The following ABCB5 variants were observed in gnomAD, a reference collection of about 807,000 sequenced individuals.
The protein encoded by ABCB5 is ATP binding cassette subfamily B member 5, also known as ATP-binding cassette sub-family B member 5.
ABCB5 carries 155 observed loss-of-function variants against 144.2 expected under a neutral mutation model. That is an observed-to-expected ratio of 1.08 (90% CI 0.94 to 1.23). ABCB5 has a LOEUF of 1.23. Among genes scored for constraint, ABCB5 ranks in the 50% most tolerant of loss-of-function variants. The probability of loss-of-function intolerance (pLI) is 0.00; values close to 1 mark genes in which losing one functional copy is unlikely to be tolerated. For missense variants in ABCB5, 1,830 were observed against 1,520.8 expected, an observed-to-expected ratio of 1.20 and a Z score of -3.38; for synonymous variants, 610 against 528.6, an observed-to-expected ratio of 1.15 and a Z score of -2.11.
intron 20 of ABCB5, among the ~76,000 whole-genome samples, chr7:20,711,584 C>G (rs1787035142): frequency 6.7e-6 from 1 of 148,192 alleles, no homozygotes. Context: ...ACTTCAGCCT[C>G]CTGAGTAGCT....
chr7:20,722,820 C>T (rs1021900416), intron 20 of ABCB5, among the ~76,000 whole-genome samples, 196 bp from the exon 21 acceptor site: 9 of 151,060 alleles, frequency 6.0e-5, no homozygotes, highest in Non-Finnish European at 1.2e-4. Context: ...GGACTCCATC[C>T]CGGAAAAAAA....
chr7:20,635,627 CTTAG>C (rs953484071), intron 5 of ABCB5, among the ~76,000 whole-genome samples: 9 of 151,858 alleles, frequency 5.9e-5, no homozygotes, highest in Non-Finnish European at 1.3e-4. Context: ...CTTTTAATTC[CTTAG>C]TTAAATATAT....
At position 20,645,832 on chromosome 7, in the gene ABCB5, C is replaced by T; in HGVS notation, c.755C>T (p.Ser252Leu). Residue 252 changes from serine (S) to leucine (L), a missense_variant, in exon 8 of 28, where the codon TCA becomes TTA. Physicochemically the swap from Ser to Leu is moderately radical, Grantham distance 145 (BLOSUM62 -2). Transcript: ENST00000404938. ...GCTGTGGCAGAAGAAGTCTTGTCATCAATCCGAACAGTCATAGCCTTTAGG... is the reference window on the plus strand; with the variant it reads ...GCTGTGGCAGAAGAAGTCTTGTCATTAATCCGAACAGTCATAGCCTTTAGG... ...AGAVAEEVLS[S>L]IRTVIAFRAQ... 6.2e-7 allele frequency: 1 copy of T among 1,613,866 alleles called. No homozygotes were observed.
chr7:20,658,384 C>A (rs1424489125), intron 13 of ABCB5, 122 bp from the exon 14 acceptor site: 4 of 762,872 alleles, frequency 5.2e-6, no homozygotes, highest in East Asian at 5.8e-5. Context: ...AAGACATAAG[C>A]ACCCAGAGGC....
intron 7 of ABCB5, among the ~76,000 whole-genome samples, chr7:20,644,617 T>C (rs1287702720): frequency 6.6e-6 from 1 of 152,222 alleles, no homozygotes; most frequent in Non-Finnish European, 1.5e-5. Flanking sequence ...TGTAATATTA[T>C]TCTTCAAATC....
intron 16 of ABCB5, among the ~76,000 whole-genome samples, chr7:20,693,425 G>T (rs905290971): frequency 1.3e-4 from 20 of 152,046 alleles, no homozygotes; most frequent in African/African-American, 4.6e-4. Context: ...ATGGAATAAA[G>T]TCAGAAGTCA....
intron 21 of ABCB5, 54 bp downstream of exon 21, chr7:20,723,273 A>C: frequency 1.3e-6 from 2 of 1,539,550 alleles, no homozygotes; most frequent in African/African-American, 1.4e-5. Flanking sequence ...AAACAGTCAG[A>C]ACTTTATGAT....
intron 19 of ABCB5, among the ~76,000 whole-genome samples, chr7:20,703,570 T>A (rs1786706139): frequency 6.6e-6 from 1 of 152,118 alleles, no homozygotes; most frequent in African/African-American, 2.4e-5. Flanking sequence ...TTGTTTTGCC[T>A]GTTACCTGGG....
At chr7:20,749,128 T>C (rs1310944319) in intron 26 of ABCB5, among the ~76,000 whole-genome samples, 1 of 150,678 alleles carries the variant, frequency 6.6e-6, no homozygotes, top group Non-Finnish European at 1.5e-5. Flanking sequence ...TCTCTCTCTT[T>C]CCCTTTCTTT....
At chr7:20,652,296 G>A (rs1447511687) in intron 13 of ABCB5, among the ~76,000 whole-genome samples, 3 of 152,148 alleles carry the variant, frequency 2.0e-5, no homozygotes, top group African/African-American at 4.8e-5. Flanking sequence ...GGCCGGGTGC[G>A]GTGGCTCACG....
chr7:20,649,179 T>C (rs1784502927), intron 11 of ABCB5, among the ~76,000 whole-genome samples: 1 of 152,210 alleles, frequency 6.6e-6, no homozygotes, highest in African/African-American at 2.4e-5. Flanking sequence ...AAAGTGCAGG[T>C]GTGAGAAGAG....
intron 24 of ABCB5, among the ~76,000 whole-genome samples, chr7:20,741,569 A>AT (rs34221966): frequency 4.6e-5 from 7 of 151,348 alleles, no homozygotes; most frequent in Admixed American, 3.3e-4. Flanking sequence ...ATCCTTCCAG[A>AT]TTTTTTTTTT....
At chr7:20,690,302 C>T (rs923218910) in intron 16 of ABCB5, among the ~76,000 whole-genome samples, 2 of 152,178 alleles carry the variant, frequency 1.3e-5, no homozygotes, top group African/African-American at 2.4e-5. Flanking sequence ...TTACACTCAT[C>T]ATTATTATAT....
chr7:20,617,100 T>C (rs923996173), intron 1 of ABCB5, among the ~76,000 whole-genome samples: 2 of 152,212 alleles, frequency 1.3e-5, no homozygotes, highest in African/African-American at 4.8e-5. Context: ...GACCACTCTC[T>C]AATTTTCCTT....
In ABCB5 at chr7:20,691,168, C is replaced by CTTTTTTTT. The variant is rs58696871; in HGVS notation, c.2010+5358_2010+5365dup. On this transcript the variant is annotated intron_variant, in intron 16 of 27. Coordinates refer to ENST00000404938, the MANE Select transcript of ABCB5 (RefSeq NM_001163941.2). The stretch of plus-strand genomic sequence containing the variant: ...GAAAACACAGACAAAACCCAGTGGA[C>CTTTTTTTT]TTTTTTTTTTTTTTTTTTTTTTTTT... 8.7e-5 allele frequency among the ~76,000 whole-genome samples: 4 copies of CTTTTTTTT among 46,116 alleles called. 1 individual carries two copies. Among genetic ancestry groups the CTTTTTTTT allele is most frequent in the East Asian group, 1.9e-3 (2 of 1,064 alleles). The allele number at this position is 46,116 out of a possible 152,430, so 30.3% of individuals were successfully genotyped here. A position where few individuals can be genotyped will look rare whatever the true frequency, so the allele number is the denominator to read the frequency against.
intron 14 of ABCB5, among the ~76,000 whole-genome samples, chr7:20,678,948 C>T (rs1785696864): frequency 6.6e-6 from 1 of 152,188 alleles, no homozygotes; most frequent in Non-Finnish European, 1.5e-5. Context: ...TTGACTTCTA[C>T]TTGGCATCAC....
At chr7:20,748,169 G>C (rs988464402) in intron 26 of ABCB5, among the ~76,000 whole-genome samples, 3 of 152,204 alleles carry the variant, frequency 2.0e-5, no homozygotes, top group Non-Finnish European at 2.9e-5. Flanking sequence ...TAGGGTTTCA[G>C]AGATGGGAAC....
intron 1 of ABCB5, among the ~76,000 whole-genome samples, chr7:20,618,215 C>G (rs890453399): frequency 3.3e-5 from 5 of 152,134 alleles, no homozygotes; most frequent in African/African-American, 1.2e-4. Context: ...CTCTATTTCT[C>G]CTCCACCCAG....
At chr7:20,733,050 C>T (rs892500896) in intron 23 of ABCB5, among the ~76,000 whole-genome samples, 2 of 152,102 alleles carry the variant, frequency 1.3e-5, no homozygotes, top group African/African-American at 4.8e-5. Context: ...CTATGGTTCC[C>T]ATTTTACAGA....
Sources: gnomAD v4.1 joint callset for allele counts (sites outside exome capture counted in the v4.1 genomes callset) on GRCh38, gnomAD v4.1.1 for gene constraint, MANE v1.5 for transcripts, NCBI Gene and HGNC (gene_info 2026-07-23, HGNC 2026-07-21) for gene names.